Variants in WT1 observed in about 807,000 individuals in gnomAD.
WT1 encodes the protein Wilms tumor protein.
In WT1, 8 loss-of-function variants were observed where a neutral mutation model predicts 60.8. That is an observed-to-expected ratio of 0.13 (90% CI 0.08 to 0.24). The LOEUF (loss-of-function observed/expected upper bound fraction) is 0.24, where lower values mean the gene tolerates loss of function less well. Ranked by LOEUF, WT1 falls within the 10% of genes least tolerant of loss-of-function variation. The pLI, the probability that WT1 is intolerant of heterozygous loss-of-function variation, is 1.00. For missense variants in WT1, 568 were observed against 711.8 expected (o/e 0.80, Z 2.30); for synonymous variants, 312 against 297.1 (o/e 1.05, Z -0.52).
intron 1 of WT1, chr11:32,430,880 G>C: frequency 1.7e-6 from 2 of 1,180,882 alleles, no homozygotes; most frequent in Non-Finnish European, 2.1e-6. Context: ...ATTAGAGCGC[G>C]CTGTCCCTGG....
intron 5 of WT1, among the ~76,000 whole-genome samples, chr11:32,413,453 A>G (rs1852565042): frequency 6.6e-6 from 1 of 152,240 alleles, no homozygotes; most frequent in African/African-American, 2.4e-5. Flanking sequence ...ACCCCAACCC[A>G]GATTGGTCTC....
rs375514482 is a variant in WT1 at position 32,428,072 on chromosome 11, C to G, written c.785-14G>C. ...ACTGCTGCTCACCTGCAGAGAGAACCGAAGACAGCTGAGCGAGTGCGCCCC... is the reference window on the plus strand; with the variant it reads ...ACTGCTGCTCACCTGCAGAGAGAACGGAAGACAGCTGAGCGAGTGCGCCCC... On this transcript the variant is annotated splice_polypyrimidine_tract_variant and intron_variant, in intron 2 of 9. Transcript: ENST00000452863. The G allele has an allele frequency of 4.0e-5, 64 of 1,589,420 alleles. No individual in the cohort carries two copies. The highest frequency in any genetic ancestry group is 5.2e-5 in the Non-Finnish European group (61 of 1,164,200).
chr11:32,419,637 T>G (rs915155314), intron 3 of WT1, among the ~76,000 whole-genome samples: 1 of 152,214 alleles, frequency 6.6e-6, no homozygotes, highest in Non-Finnish European at 1.5e-5. Context: ...CTCACAGACT[T>G]AAAGAATAGT....
At chr11:32,406,596 A>G (rs1203588920) in intron 5 of WT1, among the ~76,000 whole-genome samples, 1 of 150,696 alleles carries the variant, frequency 6.6e-6, no homozygotes, top group African/African-American at 2.5e-5. Flanking sequence ...CTTATGTGCA[A>G]CAGAGCATGA....
chr11:32,403,732 G>A (rs555411624), intron 5 of WT1, among the ~76,000 whole-genome samples: 5 of 151,698 alleles, frequency 3.3e-5, no homozygotes, highest in East Asian at 2.0e-4. Flanking sequence ...CCGCCACCAC[G>A]CCCGGCTAAT....
At chr11:32,400,218 C>T (rs1392948735) in intron 5 of WT1, 174 bp from the exon 6 acceptor site, 3 of 752,360 alleles carry the variant, frequency 4.0e-6, no homozygotes, top group Admixed American at 4.2e-5. Context: ...GAGGGCGAGG[C>T]CCCTGGATCC....
chr11:32,413,630 G>C (rs1013294319), intron 5 of WT1, among the ~76,000 whole-genome samples: 1 of 152,186 alleles, frequency 6.6e-6, no homozygotes, highest in Non-Finnish European at 1.5e-5. Context: ...AATCAATCTA[G>C]TACATCACAA....
At chr11:32,395,838 C>T (rs1851953038) in intron 7 of WT1, among the ~76,000 whole-genome samples, 1 of 152,054 alleles carries the variant, frequency 6.6e-6, no homozygotes, top group Non-Finnish European at 1.5e-5. Flanking sequence ...TTATTACTGA[C>T]CCAAGCAGGT....
At chr11:32,397,440 T>C (rs1421735432) in intron 6 of WT1, among the ~76,000 whole-genome samples, 3 of 151,720 alleles carry the variant, frequency 2.0e-5, no homozygotes, top group African/African-American at 4.8e-5. Flanking sequence ...TTCAGCCTCC[T>C]GAACAGCTGG....
At chr11:32,429,235 G>A (rs1002751324) in intron 1 of WT1, among the ~76,000 whole-genome samples, 2 of 152,204 alleles carry the variant, frequency 1.3e-5, no homozygotes, top group African/African-American at 4.8e-5. Context: ...GCCCCTTCCA[G>A]TTGGGCCTTC....
At chr11:32,405,430 C>G (rs981691750) in intron 5 of WT1, among the ~76,000 whole-genome samples, 2 of 151,150 alleles carry the variant, frequency 1.3e-5, no homozygotes, top group African/African-American at 2.4e-5. Flanking sequence ...GCCTGGGTGA[C>G]AAGAGTAAGA....
chr11:32,430,990 G>A (rs567670079), intron 1 of WT1, among the ~76,000 whole-genome samples: 155 of 152,304 alleles, frequency 1.0e-3, no homozygotes, highest in Admixed American at 1.7e-3. Flanking sequence ...TCCTTGTACA[G>A]GCCTTGGAGG....
intron 1 of WT1, chr11:32,430,682 G>A (rs916901772): frequency 2.8e-6 from 4 of 1,431,478 alleles, no homozygotes; most frequent in Non-Finnish European, 3.6e-6. Flanking sequence ...CCCAGAACTC[G>A]GGCCCAAGGA....
At chr11:32,415,341 T>G (rs1045676672) in intron 5 of WT1, among the ~76,000 whole-genome samples, 9 of 151,646 alleles carry the variant, frequency 5.9e-5, no homozygotes, top group African/African-American at 2.0e-4. Context: ...CCAAGGAACT[T>G]AAGACGAGTT....
At chr11:32,409,890 G>T (rs1349982270) in intron 5 of WT1, among the ~76,000 whole-genome samples, 1 of 151,198 alleles carries the variant, frequency 6.6e-6, no homozygotes, top group African/African-American at 2.4e-5. Context: ...CCCTCCCATT[G>T]ACCATTTTTT....
chr11:32,425,180 G>GAAAAAAAAAAAAAAAAA (rs10540778), intron 3 of WT1, among the ~76,000 whole-genome samples: 2 of 119,282 alleles, frequency 1.7e-5, no homozygotes, highest in Non-Finnish European at 3.5e-5. Context: ...GTCTCGAAAA[G>GAAAAAAAAAAAAAAAAA]AAAAAAAAAA....
chr11:32,412,550 G>A (rs980480475), intron 5 of WT1, among the ~76,000 whole-genome samples: 3 of 151,894 alleles, frequency 2.0e-5, no homozygotes, highest in Admixed American at 1.3e-4. Context: ...AGGCCAACAG[G>A]GTAGGAGAGG....
intron 4 of WT1, 146 bp downstream of exon 4, chr11:32,417,431 G>C (rs905958686): frequency 2.7e-6 from 2 of 728,394 alleles, no homozygotes; most frequent in Non-Finnish European, 4.7e-6. Flanking sequence ...CACCAACTAG[G>C]GGAAGGAGGA....
At chr11:32,425,109 TG>T (rs1852984252) in intron 3 of WT1, among the ~76,000 whole-genome samples, 1 of 147,166 alleles carries the variant, frequency 6.8e-6, no homozygotes, top group African/African-American at 2.5e-5. Context: ...ATCTGGGAGA[TG>T]GAGTTGCAGT....
Sources: gnomAD v4.1 joint callset for allele counts (sites outside exome capture counted in the v4.1 genomes callset) on GRCh38, gnomAD v4.1.1 for gene constraint, MANE v1.5 for transcripts, NCBI Gene and HGNC (gene_info 2026-07-23, HGNC 2026-07-21) for gene names.